The following MYO1C variants were observed in gnomAD, a reference collection of about 807,000 sequenced individuals.
The protein encoded by MYO1C is unconventional myosin-Ic.
A neutral mutation model predicts 150.8 loss-of-function variants in MYO1C; 104 were observed. The observed-to-expected ratio is 0.69, with a 90% CI of 0.59 to 0.81. The LOEUF (loss-of-function observed/expected upper bound fraction) is 0.81, where lower values mean the gene tolerates loss of function less well. MYO1C is among the 30% of genes least tolerant of loss of function. MYO1C has a pLI of 0.00. For synonymous variants in MYO1C, 663 were observed against 579.9 expected (o/e 1.14, Z -2.06); for missense variants, 1,504 against 1,435.0 (o/e 1.05, Z -0.78).
chr17:1,479,879 C>T lies in MYO1C; in HGVS notation c.907-174G>A, dbSNP rs1328301310. Among the ~76,000 whole-genome samples, 3 of 152,122 alleles carry T rather than the reference C, an allele frequency of 2.0e-5. No homozygotes were observed. Among genetic ancestry groups the T allele is most frequent in the Non-Finnish European group, 2.9e-5 (2 of 68,004 alleles). On this transcript the variant is annotated intron_variant, in intron 7 of 31. Coordinates refer to ENST00000648651, the MANE Select transcript of MYO1C (RefSeq NM_001080779.2). This position sits in a 1 kb window ranked among gnomAD's most constrained non-coding sequence, Gnocchi z 4.2. ...TCTGCGGGTGGGATGGGCACGGTGG[C>T]TGACGCCTGTAATCCCAGCACTTTG...
chr17:1,480,703 C>T lies in MYO1C; in HGVS notation c.807+3G>A, dbSNP rs752000217. 3 of 1,614,162 alleles carry T rather than the reference C, an allele frequency of 1.9e-6. No individual in the cohort carries two copies. The highest frequency in any genetic ancestry group is 2.5e-6 in the Non-Finnish European group (3 of 1,180,024). ...GCACCTGCCCTCCCTGCCAGCCACT[C>T]ACCTTCACCAGGTACAGGTAGCTCT... On this transcript the variant is annotated splice_donor_region_variant and intron_variant, in intron 6 of 31. Coordinates refer to ENST00000648651, the MANE Select transcript of MYO1C (RefSeq NM_001080779.2).
chr17:1,478,490 G>A lies in MYO1C; in HGVS notation c.1215C>T (p.Asp405=), dbSNP rs934495041. 6.2e-6 allele frequency: 10 copies of A among 1,614,014 alleles called. No homozygotes were observed. Among genetic ancestry groups the A allele is most frequent in the East Asian group, 2.2e-5 (1 of 44,900 alleles). The change falls in exon 11 of 32, where the codon GAC becomes GAT. Residue 405 remains aspartate (D), a splice_region_variant and synonymous_variant. Transcript: ENST00000648651. This position sits in a 1 kb window ranked among gnomAD's most constrained non-coding sequence, Gnocchi z 6.3. ...TGCTCCGCCAGCTGGGGCTCTCCAC[G>A]TCCTAGGGCAGTCATTCAACCGAAG... ...GKINRSLASK[D]VESPSWRSTT... is the part of the protein sequence containing the mutation.
intron 31 of MYO1C, 43 bp downstream of exon 31, chr17:1,467,199 C>CT (rs760669044): frequency 6.4e-7 from 1 of 1,557,628 alleles, no homozygotes; most frequent in South Asian, 1.2e-5. Context: ...GAAGGCTTGG[C>CT]TATCACAGCC....
intron 1 of MYO1C, among the ~76,000 whole-genome samples, chr17:1,491,425 G>A (rs1204744587): frequency 6.8e-6 from 1 of 147,850 alleles, no homozygotes; most frequent in Non-Finnish European, 1.5e-5. Context: ...ACCAGGCTGC[G>A]CCGGCGCCTC....
At position 1,468,238 on chromosome 17, in the gene MYO1C, C is replaced by T; in HGVS notation, c.2760+15G>A. The stretch of plus-strand genomic sequence containing the variant: ...CACCGTGCTGCTGGACTCAGGGCTG[C>T]AGGCAGGCTCTTACCTGAATGGGCT... On this transcript the variant is annotated intron_variant, in intron 27 of 31. Coordinates refer to ENST00000648651, the MANE Select transcript of MYO1C (RefSeq NM_001080779.2). 1 of 1,613,120 alleles carries T rather than the reference C, an allele frequency of 6.2e-7. No individual in the cohort carries two copies. Among genetic ancestry groups the T allele is most frequent in the South Asian group, 1.1e-5 (1 of 91,056 alleles).
In MYO1C at chr17:1,484,334, G is replaced by A. The variant is rs72818298; in HGVS notation, c.76-31C>T. The A allele has an allele frequency of 0.015, 23,886 of 1,604,522 alleles. 198 individuals are homozygous for A. The highest frequency in any genetic ancestry group is 0.021 in the Middle Eastern group (123 of 6,000). On this transcript the variant is annotated intron_variant, in intron 1 of 31. Transcript: ENST00000648651. ...GAGAATGGGCCACAGAAGAGGGTCA[G>A]AGTCATCGGGGGCGGGGCAAGGCCA...
chr17:1,482,423 C>T (rs2074541572), intron 5 of MYO1C, 55 bp downstream of exon 5: 2 of 1,500,920 alleles, frequency 1.3e-6, no homozygotes, highest in Admixed American at 1.7e-5. Context: ...GTAGGTGCTT[C>T]ACACGTGTAG....
chr17:1,477,584 G>A lies in MYO1C; in HGVS notation c.1495C>T (p.Leu499=). ...GIISILDEEC[L]RPGEATDLTF... Reference sequence around the variant, plus strand: ...AGGTCTGTGGCCTCCCCGGGGCGCAGACACTCCTCATCCTGGGGGGTGTGG... The same window carrying A: ...AGGTCTGTGGCCTCCCCGGGGCGCAAACACTCCTCATCCTGGGGGGTGTGG... Residue 499 remains leucine, a synonymous_variant, in exon 14 of 32, where the codon CTG becomes TTG. Transcript: ENST00000648651. 1 of 1,613,436 alleles carries A rather than the reference G, an allele frequency of 6.2e-7. No individual in the cohort carries two copies. Among genetic ancestry groups the A allele is most frequent in the South Asian group, 1.1e-5 (1 of 91,074 alleles).
chr17:1,468,076 G>A lies in MYO1C; in HGVS notation c.2808C>T (p.Arg936=), dbSNP rs1487461914. 6.2e-7 allele frequency: 1 copy of A among 1,613,544 alleles called. No homozygotes were observed. The highest frequency in any genetic ancestry group is 1.3e-5 in the African/African-American group (1 of 74,930). Residue 936 remains arginine (R), a synonymous_variant, in exon 28 of 32, where the codon CGC becomes CGT. Coordinates refer to ENST00000648651, the MANE Select transcript of MYO1C (RefSeq NM_001080779.2). ...TGGGCGTGAGCAGCAGCTGCCGGGA[G>A]CGAGGCTTGTAGCCCTTGCGGTCGT... The part of the protein sequence containing the change: ...VKYDRKGYKP[R]SRQLLLTPNA...
Position 1,478,088 on chromosome 17 carries a change from G to A in MYO1C, c.1400C>T (p.Ala467Val), listed in dbSNP as rs778512232. The change falls in exon 12 of 32, where the codon GCG (alanine) becomes GTG (valine). Residue 467 changes from alanine to valine, a missense_variant and splice_region_variant. By Grantham distance (64) the Ala-to-Val change is moderately conservative. Transcript: ENST00000648651. This position sits in a 1 kb window ranked among gnomAD's most constrained non-coding sequence, Gnocchi z 6.3. ...EQEEYEAEGI[A>V]WEPVQYFNNK... The stretch of plus-strand genomic sequence containing the variant: ...GAGTGCCCCCAGGCTAGCACACACC[G>A]CGATGCCCTCTGCCTCGTACTCCTC... The A allele has an allele frequency of 3.2e-5, 52 of 1,613,896 alleles. No individual in the cohort carries two copies. The highest frequency in any genetic ancestry group is 6.7e-5 in the African/African-American group (5 of 74,942).
chr17:1,482,407 T>C, intron 5 of MYO1C, 71 bp downstream of exon 5: 2 of 1,343,338 alleles, frequency 1.5e-6, no homozygotes, highest in African/African-American at 1.4e-5. Context: ...TAGTCCCTGG[T>C]ACCCAGTAGG....
intron 1 of MYO1C, chr17:1,485,063 C>A (rs1229295298): frequency 8.2e-7 from 1 of 1,222,546 alleles, no homozygotes; most frequent in Admixed American, 2.4e-5. Context: ...AGCTGCTGGG[C>A]TCCCCAGGCA....
intron 5 of MYO1C, 68 bp from the exon 6 acceptor site, chr17:1,480,953 T>A: frequency 6.5e-7 from 1 of 1,546,682 alleles, no homozygotes; most frequent in Middle Eastern, 2.0e-4. Flanking sequence ...GCCCCTCTTC[T>A]CCCCTGCACT....
In MYO1C at chr17:1,492,637, G is replaced by T; in HGVS notation, c.-150C>A. ...GTTCTGCTTCAACTGCAGCCCCAGG[G>T]GATGTGGCTGGTCCAGCTCCTCAGG... is the stretch of plus-strand genomic sequence containing the variant. On this transcript the variant is annotated 5_prime_UTR_variant, in exon 1 of 32. Coordinates refer to ENST00000648651, the MANE Select transcript of MYO1C (RefSeq NM_001080779.2). 1 of 731,034 alleles carries T rather than the reference G, an allele frequency of 1.4e-6. No individual in the cohort carries two copies. Among genetic ancestry groups the T allele is most frequent in the African/African-American group, 1.7e-5 (1 of 57,822 alleles). The allele number at this position is 731,034 out of a possible 1,614,324, so 45.3% of individuals were successfully genotyped here.
chr17:1,482,793 CACACTGGGCTT>C, intron 4 of MYO1C, 57 bp downstream of exon 4: 1 of 231,816 alleles, frequency 4.3e-6, no homozygotes, highest in Non-Finnish European at 7.9e-6. Flanking sequence ...CCTCCCCTCC[CACACTGGGCTT>C]CTCTCCCTGC....
At chr17:1,491,069 C>G (rs1367348943) in intron 1 of MYO1C, 1 of 152,328 alleles carries the variant, frequency 6.6e-6, no homozygotes, top group Non-Finnish European at 1.5e-5. Flanking sequence ...CCACTCCCTA[C>G]ACGCAGCGAG....
Position 1,483,710 on chromosome 17 carries a change from C to T in MYO1C, c.247G>A (p.Val83Ile), listed in dbSNP as rs766326076. ...CGGTAGGGATTGACAGAGACCAGGA[C>T]GGGGCCAATGTAGGTCTGGGATCGG... ...ENLIYTYIGPVLVSVNPYRDL... is the reference protein window; with the variant it reads ...ENLIYTYIGPILVSVNPYRDL... The change falls in exon 3 of 32, where the codon GTC becomes ATC. Residue 83 changes from valine (V) to isoleucine (I), a missense_variant. Physicochemically the swap from Val to Ile is conservative, Grantham distance 29 (BLOSUM62 3). Transcript: ENST00000648651. 41 of 1,611,726 alleles carry T rather than the reference C, an allele frequency of 2.5e-5. No homozygotes were observed. In the South Asian group the frequency reaches 2.8e-4, roughly 11 times the overall value.
intron 7 of MYO1C, among the ~76,000 whole-genome samples, chr17:1,480,283 C>T (rs1173966252): frequency 6.6e-6 from 1 of 150,752 alleles, no homozygotes; most frequent in Non-Finnish European, 1.5e-5. Context: ...TCCGTCTCTA[C>T]TAAAACTACA....
rs79752500 is a variant in MYO1C, at chr17:1,469,380, A to C, written c.2610+151T>G. 3 of 593,340 alleles carry C rather than the reference A, an allele frequency of 5.1e-6. No individual in the cohort carries two copies. In the East Asian group the frequency reaches 8.7e-5, roughly 17 times the overall value. 36.8% of individuals were successfully genotyped at this position (593,340 alleles called of 1,614,324 possible). A position where few individuals can be genotyped will look rare whatever the true frequency, so the allele number is the denominator to read the frequency against. ...TAGACTGGGGTAAATAGAGTAGACC[A>C]GGGTAAATACGGTAGATCGGGGTAA... On this transcript the variant is annotated intron_variant, in intron 25 of 31. Transcript: ENST00000648651.
Sources: allele counts gnomAD v4.1 joint callset (sites outside exome capture counted in the v4.1 genomes callset), GRCh38; gene constraint gnomAD v4.1.1; non-coding constraint Gnocchi (gnomAD v3.1); transcripts MANE v1.5; gene names NCBI Gene and HGNC (gene_info 2026-07-23, HGNC 2026-07-21).